The following IP6K3 variants were observed in gnomAD, a reference collection of about 807,000 sequenced individuals.
The protein encoded by IP6K3 is ATP:1D-myo-inositol-hexakisphosphate phosphotransferase.
Under a neutral mutation model 28.8 loss-of-function variants are expected in IP6K3, and 20 were observed. That is an observed-to-expected ratio of 0.70 (90% CI 0.49 to 1.01). The LOEUF (loss-of-function observed/expected upper bound fraction) is 1.01. IP6K3 is among the 50% of genes least tolerant of loss of function. The pLI is 0.00. For missense variants in IP6K3, 480 were observed against 537.1 expected (o/e 0.89, Z 1.05); for synonymous variants, 213 against 221.3 (o/e 0.96, Z 0.33).
the IP6K3 span, among the ~76,000 whole-genome samples, chr6:33,754,815 G>A: frequency 1.3e-5 from 2 of 152,208 alleles, no homozygotes; most frequent in Admixed American, 1.3e-4. Context: ...CGTCTGTAAC[G>A]ACAACGTCAG....
upstream of IP6K3, among the ~76,000 whole-genome samples, chr6:33,747,428 C>G (rs1766945529): frequency 6.6e-6 from 1 of 152,200 alleles, no homozygotes; most frequent in Non-Finnish European, 1.5e-5. The surrounding 1 kb of genome is among the most constrained non-coding windows in gnomAD (Gnocchi z 5.2). Flanking sequence ...GCTGACCAAG[C>G]ACCCCCAGTG....
intron 4 of IP6K3, among the ~76,000 whole-genome samples, chr6:33,726,085 A>G (rs1766099809): frequency 6.6e-6 from 1 of 152,236 alleles, no homozygotes; most frequent in Non-Finnish European, 1.5e-5. Context: ...CTTAGGGATT[A>G]GGATTGCAGA....
intron 1 of IP6K3, among the ~76,000 whole-genome samples, chr6:33,737,192 G>A (rs1358336888): frequency 2.0e-5 from 3 of 152,130 alleles, no homozygotes; most frequent in East Asian, 1.9e-4. Flanking sequence ...AAAAGCTGGC[G>A]CTCTGGGCTG....
At chr6:33,723,228 CTT>C in intron 5 of IP6K3, 41 bp from the exon 6 acceptor site, 1 of 1,364,190 alleles carries the variant, frequency 7.3e-7, no homozygotes, top group Non-Finnish European at 1.0e-6. Flanking sequence ...AGATTGGAAA[CTT>C]AAACAAATTG....
Position 33,728,180 on chromosome 6 carries a change from C to A in IP6K3, c.320G>T (p.Trp107Leu). ...VSTESAAVAI[W>L]QTLQQTTGSN... ...GCCGGTGGTCTGCTGGAGCGTCTGCCATATGGCCACCGCCGCCGACTCTGT... is the reference window on the plus strand; with the variant it reads ...GCCGGTGGTCTGCTGGAGCGTCTGCAATATGGCCACCGCCGCCGACTCTGT... Residue 107 changes from tryptophan to leucine, a missense_variant, in exon 3 of 6, where the codon TGG becomes TTG. Coordinates refer to ENST00000293756, the MANE Select transcript of IP6K3 (RefSeq NM_054111.5). 1 of 1,613,674 alleles carries A rather than the reference C, an allele frequency of 6.2e-7. No homozygotes were observed. The highest frequency in any genetic ancestry group is 8.5e-7 in the Non-Finnish European group (1 of 1,180,032).
chr6:33,745,520 C>T (rs1369697495), intron 1 of IP6K3, among the ~76,000 whole-genome samples: 3 of 152,138 alleles, frequency 2.0e-5, no homozygotes, highest in South Asian at 4.1e-4. Flanking sequence ...TGGGACAACC[C>T]CCCCTTTGAT....
chr6:33,761,922 C>T, the IP6K3 span, among the ~76,000 whole-genome samples: 3 of 152,092 alleles, frequency 2.0e-5, no homozygotes, highest in East Asian at 1.9e-4. Context: ...TGGGGCTCGA[C>T]GGACCCTGGC....
intron 1 of IP6K3, among the ~76,000 whole-genome samples, chr6:33,735,956 C>G (rs1190499108): frequency 6.6e-6 from 1 of 152,064 alleles, no homozygotes; most frequent in Non-Finnish European, 1.5e-5. Context: ...CAGGCTTGAC[C>G]TCCTGGGCTC....
chr6:33,755,154 C>T, the IP6K3 span, among the ~76,000 whole-genome samples: 27 of 152,332 alleles, frequency 1.8e-4, no homozygotes, highest in African/African-American at 5.5e-4. Flanking sequence ...CTCCCTCACA[C>T]GTCTCTCTTA....
intron 1 of IP6K3, among the ~76,000 whole-genome samples, chr6:33,738,420 C>T (rs1264582586): frequency 6.6e-6 from 1 of 152,258 alleles, no homozygotes; most frequent in African/African-American, 2.4e-5. Context: ...GCTCTAAGGA[C>T]ATGGATGTCA....
rs989028354 is a variant in IP6K3, at chr6:33,735,495, T to G, written c.-19A>C. 8.7e-6 allele frequency: 14 copies of G among 1,603,580 alleles called. No individual in the cohort carries two copies. The African/African-American group carries it at 9.4e-5, about 11-fold the overall frequency. ...CAACCATGGCGGCAGATGGTGGTGG[T>G]GGGGGGTCCCTGCACAGTCTGCTAG... On this transcript the variant is annotated 5_prime_UTR_variant, in exon 2 of 6. Transcript: ENST00000293756.
chr6:33,745,547 G>T (rs928068664), intron 1 of IP6K3, among the ~76,000 whole-genome samples: 2 of 152,132 alleles, frequency 1.3e-5, no homozygotes, highest in Non-Finnish European at 2.9e-5. Context: ...AGGCAAAGTG[G>T]TGGGGAAAAA....
chr6:33,752,579 C>T, the IP6K3 span, among the ~76,000 whole-genome samples: 1 of 152,240 alleles, frequency 6.6e-6, no homozygotes, highest in Non-Finnish European at 1.5e-5. Flanking sequence ...CTTTCATTTT[C>T]CAGGAGAGGA....
chr6:33,755,623 C>G, the IP6K3 span, among the ~76,000 whole-genome samples: 42 of 152,362 alleles, frequency 2.8e-4, no homozygotes, highest in African/African-American at 9.4e-4. Flanking sequence ...CCCTGCAGCT[C>G]CAGGCCTGTT....
At chr6:33,738,633 T>C (rs1356282534) in intron 1 of IP6K3, among the ~76,000 whole-genome samples, 1 of 152,200 alleles carries the variant, frequency 6.6e-6, no homozygotes, top group African/African-American at 2.4e-5. Context: ...AGCTTCCCTA[T>C]CTGCACCTAG....
chr6:33,734,839 C>T (rs1766453452), intron 2 of IP6K3, among the ~76,000 whole-genome samples: 1 of 152,336 alleles, frequency 6.6e-6, no homozygotes, highest in Admixed American at 6.5e-5. Context: ...CAAGCCACAT[C>T]GCAGCATCCC....
In IP6K3 at chr6:33,725,567, G is replaced by A; in HGVS notation, c.639C>T (p.Val213=). 1 of 1,614,174 alleles carries A rather than the reference G, an allele frequency of 6.2e-7. No homozygotes were observed. Among genetic ancestry groups the A allele is most frequent in the Non-Finnish European group, 8.5e-7 (1 of 1,180,022 alleles). The change falls in exon 5 of 6, where the codon GTC becomes GTT. Residue 213 remains valine (V), a synonymous_variant. Coordinates refer to ENST00000293756, the MANE Select transcript of IP6K3 (RefSeq NM_054111.5). Reference sequence around the variant, plus strand: ...GCCGGGTCCCCATCTTCAGATCCAGGACACAGGGATGCGTGTACTGTGACA... The same window carrying A: ...GCCGGGTCCCCATCTTCAGATCCAGAACACAGGGATGCGTGTACTGTGACA... ...NVVSQYTHPC[V]LDLKMGTRQH...
At chr6:33,725,342 G>C in intron 5 of IP6K3, 99 bp downstream of exon 5, 2 of 1,242,056 alleles carry the variant, frequency 1.6e-6, no homozygotes, top group Non-Finnish European at 2.2e-6. Flanking sequence ...AGAGTGAAGG[G>C]CTCTGCAGGG....
At chr6:33,738,317 C>T (rs1766600121) in intron 1 of IP6K3, among the ~76,000 whole-genome samples, 2 of 152,256 alleles carry the variant, frequency 1.3e-5, no homozygotes, top group South Asian at 4.1e-4. Flanking sequence ...CCCAGCTCCA[C>T]AGCCGCGTCC....
Sources: allele counts gnomAD v4.1 joint callset (sites outside exome capture counted in the v4.1 genomes callset), GRCh38; gene constraint gnomAD v4.1.1; non-coding constraint Gnocchi (gnomAD v3.1); transcripts MANE v1.5; gene names NCBI Gene and HGNC (gene_info 2026-07-23, HGNC 2026-07-21).